USP15: variants seen among roughly 807,000 people sequenced by gnomAD.
USP15 encodes the protein ubiquitin specific peptidase 15, also known as ubiquitin carboxyl-terminal hydrolase 15.
Under a neutral mutation model 127.1 loss-of-function variants are expected in USP15, and 18 were observed. That is an observed-to-expected ratio of 0.14 (90% CI 0.10 to 0.21). The LOEUF (loss-of-function observed/expected upper bound fraction) is 0.21. USP15 is among the 10% of genes least tolerant of loss of function. USP15 has a pLI of 1.00. For missense variants in USP15, 805 were observed against 1,159.9 expected (o/e 0.69, Z 4.44); for synonymous variants, 364 against 393.7 (o/e 0.92, Z 0.89).
chr12:62,402,678 T>G (rs1024913307), intron 21 of USP15, among the ~76,000 whole-genome samples: 1 of 152,068 alleles, frequency 6.6e-6, no homozygotes, highest in Non-Finnish European at 1.5e-5. Context: ...AAGAAATTAG[T>G]CTGGAGATAA....
chr12:62,292,680 C>T (rs2064008192), intron 1 of USP15, among the ~76,000 whole-genome samples: 1 of 152,116 alleles, frequency 6.6e-6, no homozygotes, highest in South Asian at 2.1e-4. Context: ...GAGTTTGTGT[C>T]TCTGTGTCTC....
At chr12:62,332,465 C>T (rs114104775) in intron 6 of USP15, among the ~76,000 whole-genome samples, 1,798 of 151,340 alleles carry the variant, frequency 0.012, 36 homozygotes, top group African/African-American at 0.04. Flanking sequence ...CTATTGCAGA[C>T]GTGTAGCTAG....
intron 8 of USP15, among the ~76,000 whole-genome samples, chr12:62,362,919 A>G (rs112947637): frequency 9.9e-5 from 15 of 152,196 alleles, no homozygotes; most frequent in Non-Finnish European, 1.9e-4. Flanking sequence ...AAGAATATGT[A>G]TGAGTTTGGC....
intron 21 of USP15, 134 bp downstream of exon 21, chr12:62,401,409 T>C: frequency 1.9e-6 from 1 of 533,970 alleles, no homozygotes; most frequent in Non-Finnish European, 3.1e-6. Context: ...ACACTAACTC[T>C]TATTTAAAGA....
chr12:62,332,958 CAGAT>C (rs1219089974), intron 6 of USP15, among the ~76,000 whole-genome samples: 3 of 152,194 alleles, frequency 2.0e-5, no homozygotes, highest in Non-Finnish European at 4.4e-5. Context: ...TTGGTTGAGA[CAGAT>C]AGTAAGCACT....
chr12:62,369,017 G>A (rs1205170826), intron 8 of USP15, among the ~76,000 whole-genome samples: 1 of 152,142 alleles, frequency 6.6e-6, no homozygotes. Context: ...TCTCTACTAT[G>A]TGCCATGCAT....
intron 1 of USP15, among the ~76,000 whole-genome samples, chr12:62,266,770 G>C (rs2063201821): frequency 6.6e-6 from 1 of 152,010 alleles, no homozygotes; most frequent in South Asian, 2.1e-4. Flanking sequence ...AGGAATCTGA[G>C]AGAAATTAAT....
intron 6 of USP15, among the ~76,000 whole-genome samples, chr12:62,344,714 G>A (rs1380731934): frequency 3.9e-5 from 6 of 152,268 alleles, no homozygotes; most frequent in South Asian, 2.1e-4. Flanking sequence ...TTATCCAGGC[G>A]TTTCCATACA....
At chr12:62,398,549 A>G (rs1332711122) in intron 20 of USP15, among the ~76,000 whole-genome samples, 1 of 152,130 alleles carries the variant, frequency 6.6e-6, no homozygotes, top group East Asian at 1.9e-4. Context: ...TGATTTCCTA[A>G]TTAGCACAAT....
rs76945029 is a variant in USP15, at chr12:62,414,834, T to A, written c.*10459T>A. ...TGGTTTCATTTAAAAAAAAAAAAAA[T>A]GAGATCCTGTTTCTGTCTTAAAGTT... On this transcript the variant is annotated 3_prime_UTR_variant, in exon 22 of 22. Transcript: ENST00000280377. 8 of 150,196 alleles carry A rather than the reference T, an allele frequency of 5.3e-5. No individual in the cohort carries two copies. The South Asian group carries it at 1.3e-3, about 24-fold the overall frequency. 9.3% of individuals were successfully genotyped at this position (150,196 alleles called of 1,614,324 possible).
intron 7 of USP15, among the ~76,000 whole-genome samples, chr12:62,352,214 T>C (rs2065986085): frequency 6.6e-6 from 1 of 151,836 alleles, no homozygotes; most frequent in South Asian, 2.1e-4. Flanking sequence ...AATATTGTTA[T>C]AAAATAATTC....
At chr12:62,261,892 A>C (rs1374482127) in intron 1 of USP15, among the ~76,000 whole-genome samples, 1 of 152,120 alleles carries the variant, frequency 6.6e-6, no homozygotes, top group South Asian at 2.1e-4. Flanking sequence ...TAAGGATGTA[A>C]ATACATACTT....
chr12:62,386,168 G>GT (rs11431206), intron 11 of USP15, among the ~76,000 whole-genome samples: 53,524 of 145,176 alleles, frequency 0.37, 10,109 homozygotes, highest in African/African-American at 0.46. Context: ...TGTGTTTTGT[G>GT]TTTTTTTTTT....
At chr12:62,299,810 C>T (rs1042002481) in intron 2 of USP15, among the ~76,000 whole-genome samples, 1 of 152,194 alleles carries the variant, frequency 6.6e-6, no homozygotes, top group Non-Finnish European at 1.5e-5. Flanking sequence ...CATTGCTTCA[C>T]ATTATTACCA....
chr12:62,329,072 A>C (rs2137315312), intron 6 of USP15, among the ~76,000 whole-genome samples: 1 of 152,282 alleles, frequency 6.6e-6, no homozygotes, highest in South Asian at 2.1e-4. Flanking sequence ...TAATGAATTC[A>C]CTTATATTTA....
intron 2 of USP15, among the ~76,000 whole-genome samples, chr12:62,302,370 C>T (rs2064343509): frequency 6.6e-6 from 1 of 152,052 alleles, no homozygotes; most frequent in Non-Finnish European, 1.5e-5. Flanking sequence ...TTTAAAGAAC[C>T]TAATAAAAGA....
intron 3 of USP15, chr12:62,305,616 ATGT>A (rs1338388982): frequency 6.6e-6 from 1 of 152,208 alleles, no homozygotes; most frequent in Non-Finnish European, 1.5e-5. Flanking sequence ...CAAAATGTAA[ATGT>A]TGTGAGTAAG....
intron 1 of USP15, among the ~76,000 whole-genome samples, chr12:62,271,581 A>G (rs1347384942): frequency 2.6e-5 from 4 of 151,970 alleles, no homozygotes; most frequent in Non-Finnish European, 5.9e-5. Context: ...TTATATTGTT[A>G]ATACCAAACC....
intron 6 of USP15, chr12:62,335,989 C>CACAG: frequency 1.0e-6 from 1 of 985,034 alleles, no homozygotes; most frequent in Non-Finnish European, 1.2e-6. Context: ...GCAAATTGTG[C>CACAG]ACAGCTCTAG....
Sources: allele counts gnomAD v4.1 joint callset (sites outside exome capture counted in the v4.1 genomes callset), GRCh38; gene constraint gnomAD v4.1.1; transcripts MANE v1.5; gene names NCBI Gene and HGNC (gene_info 2026-07-23, HGNC 2026-07-21).